FGF14: variants seen among roughly 807,000 people sequenced by gnomAD.
FGF14 encodes fibroblast growth factor homologous factor 4.
In FGF14, 5 loss-of-function variants were observed where a neutral mutation model predicts 25.5. That is an observed-to-expected ratio of 0.20 (90% CI 0.10 to 0.41). The LOEUF is 0.41. Among genes scored for constraint, FGF14 ranks in the 10% least tolerant of loss-of-function variants. FGF14 has a pLI of 1.00. For missense variants in FGF14, 222 were observed against 320.1 expected, an observed-to-expected ratio of 0.69 and a Z score of 2.34; for synonymous variants, 138 against 118.3, an observed-to-expected ratio of 1.17 and a Z score of -1.08.
chr13:101,943,427 T>C (rs2035577492), intron 1 of FGF14, among the ~76,000 whole-genome samples: 1 of 152,274 alleles, frequency 6.6e-6, no homozygotes, highest in South Asian at 2.1e-4. Context: ...CAGTTTTTGT[T>C]GTCACAAGGG....
chr13:101,920,820 A>G (rs1323888725), upstream of FGF14, among the ~76,000 whole-genome samples: 1 of 152,236 alleles, frequency 6.6e-6, no homozygotes, highest in Non-Finnish European at 1.5e-5. Flanking sequence ...CCGTAAGCCT[A>G]CTTTCACACC....
At chr13:102,297,722 TA>T (rs35977029) in intron 1 of FGF14, among the ~76,000 whole-genome samples, 83,550 of 145,860 alleles carry the variant, frequency 0.57, 23,446 homozygotes, top group Middle Eastern at 0.67. Flanking sequence ...CCTACCTCTA[TA>T]AAAAAAAAAA....
chr13:101,734,367 T>C (rs376224996), intron 3 of FGF14, among the ~76,000 whole-genome samples: 4 of 152,316 alleles, frequency 2.6e-5, no homozygotes, highest in African/African-American at 7.2e-5. Flanking sequence ...AAATCTGTGG[T>C]ATTTACAATA....
Position 101,714,233 on chromosome 13 carries a change from T to C in FGF14, c.*8598A>G. On this transcript the variant is annotated 3_prime_UTR_variant, in exon 5 of 5. Coordinates refer to ENST00000376143, the MANE Select transcript of FGF14 (RefSeq NM_004115.4). The stretch of plus-strand genomic sequence containing the variant: ...TTGTTCAAGGCTAATTGCAACTGTC[T>C]AGATCCATAATGAAGGCTTTCCTGG... 1.7e-6 allele frequency: 1 copy of C among 579,822 alleles called. No individual in the cohort carries two copies. Among genetic ancestry groups the C allele is most frequent in the Non-Finnish European group, 3.1e-6 (1 of 324,980 alleles). 35.9% of individuals were successfully genotyped at this position (579,822 alleles called of 1,614,324 possible). A position where few individuals can be genotyped will look rare whatever the true frequency, so the allele number is the denominator to read the frequency against.
chr13:102,401,710 C>T (rs758694690), exon 1 of FGF14: 1 of 1,573,218 alleles, frequency 6.4e-7, no homozygotes, highest in Non-Finnish European at 8.7e-7. Context: ...GATCTTCTCC[C>T]AGTTTTTTCC....
intron 1 of FGF14, among the ~76,000 whole-genome samples, chr13:102,375,486 C>T (rs1053746389): frequency 3.3e-5 from 5 of 151,994 alleles, no homozygotes; most frequent in East Asian, 3.8e-4. Context: ...TATTTAATAA[C>T]GTTGTAGAAG....
intron 1 of FGF14, among the ~76,000 whole-genome samples, chr13:102,049,739 A>G (rs2042138542): frequency 6.6e-6 from 1 of 152,122 alleles, no homozygotes; most frequent in African/African-American, 2.4e-5. Context: ...AAATTTACAC[A>G]CACGCACCCC....
At chr13:102,200,858 A>G (rs184674723) in intron 1 of FGF14, among the ~76,000 whole-genome samples, 5 of 151,978 alleles carry the variant, frequency 3.3e-5, no homozygotes, top group African/African-American at 1.2e-4. Context: ...ATCCCAGCAC[A>G]TTGGGAGGAC....
Position 101,718,421 on chromosome 13 carries a change from A to AACTT in FGF14, c.*4406_*4409dup, listed in dbSNP as rs1236594539. 2 of 152,138 alleles carry AACTT rather than the reference A, an allele frequency of 1.3e-5. No individual in the cohort carries two copies. Among genetic ancestry groups the AACTT allele is most frequent in the African/African-American group, 4.8e-5 (2 of 41,438 alleles). The allele number at this position is 152,138 out of a possible 1,614,324, so 9.4% of individuals were successfully genotyped here. On this transcript the variant is annotated 3_prime_UTR_variant, in exon 5 of 5. Transcript: ENST00000376143. ...CTAAAAAACAAGCAGGGCAAGAACA[A>AACTT]ACTTACTTGTAATGGGTGAGAGAAA...
At position 101,774,930 on chromosome 13, in the gene FGF14, T is replaced by C. The variant is rs563092749; in HGVS notation, c.409-48120A>G. 4.0e-5 allele frequency among the ~76,000 whole-genome samples: 6 copies of C among 149,100 alleles called. No homozygotes were observed. In the East Asian group the frequency reaches 9.9e-4, roughly 25 times the overall value. On this transcript the variant is annotated intron_variant, in intron 3 of 4. Transcript: ENST00000376143. ...TAGCCAGTGAGCCGAGATTGTGCCATTGCCCTCCAGCCTGGGCAACACGAA... is the reference window on the plus strand; with the variant it reads ...TAGCCAGTGAGCCGAGATTGTGCCACTGCCCTCCAGCCTGGGCAACACGAA...
At chr13:101,824,406 C>T (rs2042304586) in intron 3 of FGF14, among the ~76,000 whole-genome samples, 1 of 152,144 alleles carries the variant, frequency 6.6e-6, no homozygotes, top group Non-Finnish European at 1.5e-5. Context: ...GTTTTTTCAC[C>T]AGCTTGCTCA....
chr13:102,234,808 G>T (rs1357095513), intron 1 of FGF14, among the ~76,000 whole-genome samples: 1 of 152,166 alleles, frequency 6.6e-6, no homozygotes, highest in Non-Finnish European at 1.5e-5. Context: ...CCAGCGATGT[G>T]TATGAGTTAT....
intron 1 of FGF14, among the ~76,000 whole-genome samples, chr13:102,227,205 T>C (rs965645024): frequency 6.6e-6 from 1 of 152,168 alleles, no homozygotes; most frequent in East Asian, 1.9e-4. Flanking sequence ...GGGAATCCTA[T>C]AGGCTACTCC....
intron 3 of FGF14, 107 bp from the exon 4 acceptor site, chr13:101,726,917 C>A (rs1036237123): frequency 4.9e-5 from 40 of 810,382 alleles, no homozygotes; most frequent in Non-Finnish European, 7.5e-5. Context: ...AGTGCTTTGG[C>A]ATGGAGGACC....
intron 1 of FGF14, among the ~76,000 whole-genome samples, chr13:101,938,854 T>C (rs1238978133): frequency 6.6e-6 from 1 of 152,224 alleles, no homozygotes; most frequent in African/African-American, 2.4e-5. Flanking sequence ...TTATCCTTTT[T>C]AGAAAATAAG....
intron 1 of FGF14, among the ~76,000 whole-genome samples, chr13:101,888,747 T>C (rs117292590): frequency 2.8e-3 from 428 of 152,314 alleles, no homozygotes; most frequent in Non-Finnish European, 5.1e-3. Context: ...AAGGACCACA[T>C]GTCTTCAAGA....
At chr13:101,916,382 C>A in intron 1 of FGF14, 71 bp downstream of exon 1, 1 of 1,569,276 alleles carries the variant, frequency 6.4e-7, no homozygotes, top group South Asian at 1.1e-5. Flanking sequence ...AGGGAAGGAG[C>A]CTGGAGAAGC....
intron 3 of FGF14, among the ~76,000 whole-genome samples, chr13:101,780,804 G>C (rs781669773): frequency 5.9e-5 from 9 of 152,084 alleles, no homozygotes; most frequent in Non-Finnish European, 1.0e-4. Flanking sequence ...GGGGAGATCA[G>C]GGGCACGGAG....
chr13:101,763,523 A>ATGCAT (rs1401069949), intron 3 of FGF14, among the ~76,000 whole-genome samples: 1 of 151,880 alleles, frequency 6.6e-6, no homozygotes, highest in Non-Finnish European at 1.5e-5. Context: ...TCCTGTATTT[A>ATGCAT]TGCATTTCCT....
Sources: gnomAD v4.1 joint callset for allele counts (sites outside exome capture counted in the v4.1 genomes callset) on GRCh38, gnomAD v4.1.1 for gene constraint, MANE v1.5 for transcripts, NCBI Gene and HGNC (gene_info 2026-07-23, HGNC 2026-07-21) for gene names.